The following PC variants were observed in gnomAD, a reference collection of about 807,000 sequenced individuals.
The protein encoded by PC is pyruvate carboxylase, also known as pyruvate carboxylase, mitochondrial.
PC carries 46 observed loss-of-function variants against 107.8 expected under a neutral mutation model. That is an observed-to-expected ratio of 0.43 (90% CI 0.34 to 0.55). The LOEUF is 0.55. PC is among the 20% of genes least tolerant of loss of function. The pLI is 0.04. For synonymous variants in PC, 662 were observed against 684.7 expected (o/e 0.97, Z 0.52); for missense variants, 1,241 against 1,643.1 (o/e 0.76, Z 4.23).
chr11:66,886,869 G>A (rs183977595), intron 3 of PC, among the ~76,000 whole-genome samples: 13 of 152,272 alleles, frequency 8.5e-5, no homozygotes, highest in African/African-American at 1.7e-4. Context: ...CTCCAGAGAC[G>A]AAGGCAGGAA....
chr11:66,879,234 C>G (rs1434023945), intron 3 of PC, among the ~76,000 whole-genome samples: 1 of 152,236 alleles, frequency 6.6e-6, no homozygotes, highest in Non-Finnish European at 1.5e-5. Context: ...AGGCAGCCCA[C>G]CCACCAAGCC....
At chr11:66,938,785 T>C (rs1405395622) in intron 3 of PC, among the ~76,000 whole-genome samples, 1 of 152,174 alleles carries the variant, frequency 6.6e-6, no homozygotes, top group Non-Finnish European at 1.5e-5. Context: ...TTGATTAGGA[T>C]ACATGAGCTA....
intron 3 of PC, among the ~76,000 whole-genome samples, chr11:66,892,243 CAGAGTGCCTA>C (rs1947603833): frequency 6.6e-6 from 1 of 152,146 alleles, no homozygotes; most frequent in Non-Finnish European, 1.5e-5. Context: ...CCCCTGAGAC[CAGAGTGCCTA>C]AGAGTTCTGG....
intron 11 of PC, among the ~76,000 whole-genome samples, chr11:66,865,433 G>C (rs1239754012): frequency 3.3e-5 from 5 of 152,266 alleles, no homozygotes; most frequent in African/African-American, 7.2e-5. Context: ...GGCAGCACGT[G>C]CAGGGCTGGG....
intron 3 of PC, among the ~76,000 whole-genome samples, chr11:66,900,486 T>G (rs1947913416): frequency 6.6e-6 from 1 of 152,150 alleles, no homozygotes; most frequent in Admixed American, 6.6e-5. Flanking sequence ...AAGATTCTTT[T>G]GGTTGTTCTG....
chr11:66,952,525 A>G (rs905500889), intron 2 of PC, 57 bp from the exon 3 acceptor site: 1 of 152,258 alleles, frequency 6.6e-6, no homozygotes, highest in African/African-American at 2.4e-5. Context: ...TCCCAGAGAA[A>G]ACAGGAGTGG....
chr11:66,877,773 T>C (rs1437242803), intron 3 of PC, among the ~76,000 whole-genome samples: 2 of 152,218 alleles, frequency 1.3e-5, no homozygotes, highest in African/African-American at 4.8e-5. Flanking sequence ...TTTGATGACA[T>C]GGGAAATGCT....
In PC at chr11:66,870,708, G is replaced by T; in HGVS notation, c.751+67C>A. The T allele has an allele frequency of 6.9e-7, 1 of 1,454,610 alleles. No homozygotes were observed. The highest frequency in any genetic ancestry group is 9.6e-7 in the Non-Finnish European group (1 of 1,044,918). 90.1% of individuals were successfully genotyped at this position (1,454,610 alleles called of 1,614,324 possible). On this transcript the variant is annotated intron_variant, in intron 8 of 22. Transcript: ENST00000393960. This position sits in a 1 kb window ranked among gnomAD's most constrained non-coding sequence, Gnocchi z 6.1. Reference sequence around the variant, plus strand: ...TGTCCCCAAGGCCAGCCACTGTGACGGCACCAGGACTGGGCCTCTCAGCTC... The same window carrying T: ...TGTCCCCAAGGCCAGCCACTGTGACTGCACCAGGACTGGGCCTCTCAGCTC...
intron 12 of PC, among the ~76,000 whole-genome samples, chr11:66,853,908 G>A (rs779722274): frequency 1.3e-5 from 2 of 152,226 alleles, no homozygotes; most frequent in Admixed American, 6.5e-5. Flanking sequence ...GCCCCGTCCC[G>A]GGGCTGTGGC....
intron 3 of PC, among the ~76,000 whole-genome samples, chr11:66,920,760 T>A (rs188255397): frequency 2.6e-4 from 39 of 152,258 alleles, no homozygotes; most frequent in African/African-American, 8.9e-4. Context: ...AATACAGGCA[T>A]GAGGCTGGGC....
At chr11:66,876,573 A>C (rs556779816) in intron 3 of PC, among the ~76,000 whole-genome samples, 1 of 152,324 alleles carries the variant, frequency 6.6e-6, no homozygotes, top group African/African-American at 2.4e-5. Flanking sequence ...AGGTGTGGAG[A>C]CACCCTGCTC....
intron 3 of PC, among the ~76,000 whole-genome samples, chr11:66,900,646 C>A (rs1947919592): frequency 6.6e-6 from 1 of 152,176 alleles, no homozygotes; most frequent in Admixed American, 6.5e-5. Flanking sequence ...CATGGGGTAT[C>A]TTTCCATTTA....
At chr11:66,951,380 G>A (rs1404604615) in intron 3 of PC, among the ~76,000 whole-genome samples, 2 of 152,124 alleles carry the variant, frequency 1.3e-5, no homozygotes, top group Admixed American at 6.5e-5. Context: ...ACCGGCGGGA[G>A]GGCTGTGGAA....
intron 11 of PC, among the ~76,000 whole-genome samples, chr11:66,864,786 C>T (rs577661290): frequency 4.6e-5 from 7 of 152,316 alleles, no homozygotes; most frequent in Admixed American, 3.3e-4. Context: ...GCCGCCTGCA[C>T]CTGTTCGTGC....
In PC at chr11:66,857,906, G is replaced by T. The variant is rs1436865838; in HGVS notation, c.1369-4523C>A. 4 of 1,611,976 alleles carry T rather than the reference G, an allele frequency of 2.5e-6. No individual in the cohort carries two copies. Among genetic ancestry groups the T allele is most frequent in the Non-Finnish European group, 3.4e-6 (4 of 1,179,914 alleles). On this transcript the variant is annotated intron_variant, in intron 12 of 22. Coordinates refer to ENST00000393960, the MANE Select transcript of PC (RefSeq NM_001040716.2). The surrounding 1 kb of genome is among the most constrained non-coding windows in gnomAD (Gnocchi z 7.1). ...TGGACCGGCGCACAGTGGAGCTGCGGCTGGCTGACAACTTCATCCAGGCCC... is the reference window on the plus strand; with the variant it reads ...TGGACCGGCGCACAGTGGAGCTGCGTCTGGCTGACAACTTCATCCAGGCCC...
intron 3 of PC, among the ~76,000 whole-genome samples, chr11:66,890,603 C>G (rs1028637461): frequency 6.7e-6 from 1 of 149,984 alleles, no homozygotes; most frequent in Non-Finnish European, 1.5e-5. Flanking sequence ...CAGGTTCAAG[C>G]GATTCTCCTG....
intron 3 of PC, among the ~76,000 whole-genome samples, chr11:66,897,352 C>T (rs903620153): frequency 2.0e-5 from 3 of 152,190 alleles, no homozygotes; most frequent in Non-Finnish European, 4.4e-5. Flanking sequence ...AGGCAGATTA[C>T]CTGAGGCCAA....
At chr11:66,877,177 C>T (rs1458149856) in intron 3 of PC, among the ~76,000 whole-genome samples, 3 of 152,054 alleles carry the variant, frequency 2.0e-5, no homozygotes, top group Non-Finnish European at 4.4e-5. Flanking sequence ...TTTGAGGTCA[C>T]GAATTCAAAA....
chr11:66,873,541 ATAT>A, intron 3 of PC, among the ~76,000 whole-genome samples: 1 of 102,036 alleles, frequency 9.8e-6, no homozygotes, highest in Non-Finnish European at 1.8e-5. Flanking sequence ...TATATATTAT[ATAT>A]AATATTATAA....
Sources: gnomAD v4.1 joint callset for allele counts (sites outside exome capture counted in the v4.1 genomes callset) on GRCh38, gnomAD v4.1.1 for gene constraint, Gnocchi (gnomAD v3.1) non-coding constraint, MANE v1.5 for transcripts, NCBI Gene and HGNC (gene_info 2026-07-23, HGNC 2026-07-21) for gene names.